Variants in MAPKBP1 observed in about 807,000 individuals in gnomAD.
MAPKBP1 encodes mitogen-activated protein kinase-binding protein 1.
MAPKBP1 carries 71 observed loss-of-function variants against 170.5 expected under a neutral mutation model. The ratio of observed to expected loss-of-function variants is 0.42; its 90% CI spans 0.34 to 0.51. The LOEUF (loss-of-function observed/expected upper bound fraction) is 0.51, where lower values mean the gene tolerates loss of function less well. Among genes scored for constraint, MAPKBP1 ranks in the 20% least tolerant of loss-of-function variants. MAPKBP1 has a pLI of 0.06. For synonymous variants in MAPKBP1, 719 were observed against 757.9 expected (o/e 0.95, Z 0.84); for missense variants, 1,598 against 1,933.0 (o/e 0.83, Z 3.25).
At chr15:41,822,140 T>TG (rs34210216) in intron 25 of MAPKBP1, 30 bp downstream of exon 25, 5 of 583,964 alleles carry the variant, frequency 8.6e-6, no homozygotes, top group African/African-American at 2.7e-5. Context: ...GGAGGGGCCA[T>TG]GGGGGGTGGG....
At chr15:41,823,305 G>A in intron 28 of MAPKBP1, 83 bp downstream of exon 28, 1 of 1,554,424 alleles carries the variant, frequency 6.4e-7, no homozygotes, top group Non-Finnish European at 8.7e-7. Context: ...GCCTGGTGTG[G>A]CCCTGATGTG....
intron 2 of MAPKBP1, among the ~76,000 whole-genome samples, chr15:41,797,973 G>A (rs865952798): frequency 2.0e-5 from 3 of 152,020 alleles, no homozygotes; most frequent in Admixed American, 1.3e-4. Flanking sequence ...AGGTTCAGCC[G>A]GGTGCGGTGG....
chr15:41,819,550 G>GGGGC (rs2064954305), intron 21 of MAPKBP1, 45 bp from the exon 22 acceptor site: 5 of 1,518,506 alleles, frequency 3.3e-6, no homozygotes, highest in African/African-American at 1.4e-5. Flanking sequence ...TGGGTGGCGG[G>GGGGC]GGGGGGGCAG....
Position 41,822,680 on chromosome 15 carries a change from A to C in MAPKBP1, c.3314+3A>C. On this transcript the variant is annotated splice_donor_region_variant and intron_variant, in intron 27 of 30. Coordinates refer to ENST00000457542, the MANE Select transcript of MAPKBP1 (RefSeq NM_014994.3). ...CAAGTACAGACCCGCCCACTCAGGT[A>C]CAGAGGCCCCCTACCCCCCAGCAGC... 6.2e-7 allele frequency: 1 copy of C among 1,613,998 alleles called. No homozygotes were observed.
intron 2 of MAPKBP1, among the ~76,000 whole-genome samples, chr15:41,787,161 C>A (rs1419911927): frequency 2.6e-5 from 4 of 151,900 alleles, no homozygotes; most frequent in African/African-American, 9.7e-5. Flanking sequence ...TCAAAAATAT[C>A]TCCTTGGTTA....
At chr15:41,819,673 T>G in intron 22 of MAPKBP1, 23 bp downstream of exon 22, 1 of 1,602,344 alleles carries the variant, frequency 6.2e-7, no homozygotes, top group Non-Finnish European at 8.5e-7. Flanking sequence ...TGTTAAAATG[T>G]TCTTCCAAGG....
In MAPKBP1 at chr15:41,822,952, T is replaced by C. The variant is rs2065026072; in HGVS notation, c.3328T>C (p.Ser1110Pro). ...QTRPLREPSPSSSSLALMSRP... is the reference protein window; with the variant it reads ...QTRPLREPSPPSSSLALMSRP... ...TTCTCCCTGTAGGGAACCATCCCCATCCTCCTCAAGCCTGGCACTGATGTC... is the reference window on the plus strand; with the variant it reads ...TTCTCCCTGTAGGGAACCATCCCCACCCTCCTCAAGCCTGGCACTGATGTC... Residue 1110 changes from serine to proline, a missense_variant, in exon 28 of 31, where the codon TCC becomes CCC. Ser to Pro is a moderately conservative substitution (Grantham distance 74). Transcript: ENST00000457542. 2.5e-6 allele frequency: 4 copies of C among 1,608,868 alleles called. No individual in the cohort carries two copies. Among genetic ancestry groups the C allele is most frequent in the Non-Finnish European group, 3.4e-6 (4 of 1,176,300 alleles).
chr15:41,777,786 TGATAACAG>T (rs1334453552), intron 2 of MAPKBP1, among the ~76,000 whole-genome samples: 1 of 152,248 alleles, frequency 6.6e-6, no homozygotes, highest in African/African-American at 2.4e-5. Context: ...TGAGTAATCA[TGATAACAG>T]GAAATTTGTG....
At chr15:41,807,007 T>C (rs1193794889) in intron 3 of MAPKBP1, among the ~76,000 whole-genome samples, 1 of 152,242 alleles carries the variant, frequency 6.6e-6, no homozygotes, top group Non-Finnish European at 1.5e-5. Context: ...TTGCATGCTG[T>C]CTTTCTCTTG....
intron 2 of MAPKBP1, among the ~76,000 whole-genome samples, chr15:41,788,113 A>G (rs2064331778): frequency 6.6e-6 from 1 of 151,958 alleles, no homozygotes; most frequent in Non-Finnish European, 1.5e-5. Flanking sequence ...ACGTACCACC[A>G]TGCCCGGCTA....
chr15:41,813,841 G>A (rs1040998950), intron 9 of MAPKBP1, 60 bp downstream of exon 9: 6 of 1,511,014 alleles, frequency 4.0e-6, no homozygotes, highest in Non-Finnish European at 4.4e-6. Context: ...AGTCTTTCTT[G>A]TCAGTGCCTC....
rs1455442542 is a variant in MAPKBP1 at position 41,775,300 on chromosome 15, A to C, written c.25A>C (p.Thr9Pro). Reference sequence around the variant, plus strand: ...AATGGCTGTGGAAGGGTCAACCATTACCAGCCGGATCAAGAATCTGTTGAG... The same window carrying C: ...AATGGCTGTGGAAGGGTCAACCATTCCCAGCCGGATCAAGAATCTGTTGAG... Reference protein sequence around the residue: MAVEGSTITSRIKNLLRSP... With the variant: MAVEGSTIPSRIKNLLRSP... The change falls in exon 2 of 31, where the codon ACC becomes CCC. Residue 9 changes from threonine (T) to proline (P), a missense_variant. Around this residue, in one of 6 missense-constraint regions of MAPKBP1, gnomAD observed 151 missense variants for 191.4 expected, o/e 0.79. Coordinates refer to ENST00000457542, the MANE Select transcript of MAPKBP1 (RefSeq NM_014994.3). The C allele has an allele frequency of 6.2e-7, 1 of 1,614,154 alleles. No homozygotes were observed. The highest frequency in any genetic ancestry group is 1.7e-5 in the Admixed American group (1 of 60,026).
intron 3 of MAPKBP1, among the ~76,000 whole-genome samples, chr15:41,801,231 A>G (rs192706621): frequency 5.9e-5 from 9 of 152,340 alleles, no homozygotes; most frequent in Non-Finnish European, 1.2e-4. Context: ...GATCAGTGCC[A>G]TAGAAGAGAA....
intron 10 of MAPKBP1, among the ~76,000 whole-genome samples, 178 bp from the exon 11 acceptor site, chr15:41,815,081 T>C (rs1596090157): frequency 6.6e-6 from 1 of 152,208 alleles, no homozygotes; most frequent in East Asian, 1.9e-4. Flanking sequence ...TGATATATAG[T>C]GGGTGCTTCC....
At chr15:41,784,762 T>C (rs1490164820) in intron 2 of MAPKBP1, among the ~76,000 whole-genome samples, 5 of 115,272 alleles carry the variant, frequency 4.3e-5, no homozygotes, top group Non-Finnish European at 8.2e-5. Flanking sequence ...AGCCTGGCAA[T>C]AGAGCGAGAC....
At position 41,819,395 on chromosome 15, in the gene MAPKBP1, G is replaced by T. The variant is rs1211382598; in HGVS notation, c.2425+16G>T. The T allele has an allele frequency of 3.7e-6, 6 of 1,613,454 alleles. No homozygotes were observed. The highest frequency in any genetic ancestry group is 1.7e-5 in the Admixed American group (1 of 60,024). The stretch of plus-strand genomic sequence containing the variant: ...AAGGCACTGGGTCTGTGGCAGTTGG[G>T]TGTGGGGGCAGACAGGCCCTAGTTG... On this transcript the variant is annotated intron_variant, in intron 21 of 30. Transcript: ENST00000457542.
At chr15:41,799,197 T>C (rs922284064) in intron 2 of MAPKBP1, among the ~76,000 whole-genome samples, 1 of 152,118 alleles carries the variant, frequency 6.6e-6, no homozygotes, top group Non-Finnish European at 1.5e-5. Context: ...GTAATAATAA[T>C]TAGAGTACCC....
intron 3 of MAPKBP1, among the ~76,000 whole-genome samples, chr15:41,801,809 C>T (rs1389886241): frequency 6.6e-6 from 1 of 151,970 alleles, no homozygotes; most frequent in Admixed American, 6.6e-5. Context: ...CAGATTTCGC[C>T]ACTGCACTCC....
intron 25 of MAPKBP1, 54 bp from the exon 26 acceptor site, chr15:41,822,171 G>C: frequency 6.3e-7 from 1 of 1,599,482 alleles, no homozygotes; most frequent in Non-Finnish European, 8.5e-7. Flanking sequence ...GGGTGGGGAG[G>C]CTCTGGCAAC....
Sources: allele counts gnomAD v4.1 joint callset (sites outside exome capture counted in the v4.1 genomes callset), GRCh38; gene constraint gnomAD v4.1.1; regional missense constraint gnomAD v4.1.1; transcripts MANE v1.5; gene names NCBI Gene and HGNC (gene_info 2026-07-23, HGNC 2026-07-21).